Variants in PACRG observed in about 807,000 individuals in gnomAD.
PACRG encodes the protein parkin coregulated, also known as parkin coregulated gene protein.
Under a neutral mutation model 29.7 loss-of-function variants are expected in PACRG, and 29 were observed. The observed-to-expected ratio is 0.98, with a 90% CI of 0.73 to 1.33. PACRG has a LOEUF of 1.33. Among genes scored for constraint, PACRG ranks in the 40% most tolerant of loss-of-function variants. PACRG has a pLI of 0.00. For synonymous variants in PACRG, 116 were observed against 118.7 expected (o/e 0.98, Z 0.15); for missense variants, 279 against 316.2 (o/e 0.88, Z 0.89).
At chr6:163,215,186 A>G (rs1248908583) in intron 4 of PACRG, among the ~76,000 whole-genome samples, 1 of 152,128 alleles carries the variant, frequency 6.6e-6, no homozygotes, top group Non-Finnish European at 1.5e-5. Context: ...AATATTCAAG[A>G]TAATCATCTA....
rs533968702 is a variant in PACRG, at chr6:162,740,197, G to A, written c.156+11806G>A. Among the ~76,000 whole-genome samples the A allele has an allele frequency of 2.2e-4, 33 of 152,204 alleles. 1 individual carries two copies. The South Asian group carries it at 6.4e-3, about 30-fold the overall frequency. On this transcript the variant is annotated intron_variant, in intron 1 of 4. Transcript: ENST00000366888. The stretch of plus-strand genomic sequence containing the variant: ...ATTTGTTTATATCCTAGTTGACGTC[G>A]TTGCTTTCTTACTATCTATAGGAAT...
At chr6:163,181,866 C>G (rs955386042) in intron 4 of PACRG, among the ~76,000 whole-genome samples, 1 of 152,140 alleles carries the variant, frequency 6.6e-6, no homozygotes, top group African/African-American at 2.4e-5. Context: ...CGCGCTCTGT[C>G]AAGTTGCTGA....
intron 2 of PACRG, among the ~76,000 whole-genome samples, chr6:163,046,080 C>T (rs1210915536): frequency 3.3e-5 from 5 of 151,988 alleles, no homozygotes; most frequent in African/African-American, 7.2e-5. Context: ...TCCCTCCTGG[C>T]TCCCTGATAT....
At chr6:163,269,849 G>GAA (rs1336801032) in intron 4 of PACRG, among the ~76,000 whole-genome samples, 2 of 62,992 alleles carry the variant, frequency 3.2e-5, no homozygotes, top group Non-Finnish European at 6.4e-5. Context: ...AAGAAAGAAA[G>GAA]AAAGAAAGAG....
chr6:163,076,241 A>T (rs1467117327), intron 3 of PACRG, among the ~76,000 whole-genome samples: 2 of 152,148 alleles, frequency 1.3e-5, no homozygotes, highest in Non-Finnish European at 2.9e-5. Context: ...CAGTTTTTTC[A>T]TCTTGCAGCT....
intron 2 of PACRG, among the ~76,000 whole-genome samples, chr6:162,874,871 TCA>T (rs1297024261): frequency 2.6e-5 from 4 of 151,570 alleles, no homozygotes; most frequent in African/African-American, 7.3e-5. Flanking sequence ...ATTCTCACAC[TCA>T]CACACCCATT....
intron 2 of PACRG, among the ~76,000 whole-genome samples, chr6:162,838,713 C>T (rs900380456): frequency 4.0e-4 from 58 of 146,476 alleles, no homozygotes; most frequent in African/African-American, 1.4e-3. Flanking sequence ...TCTAGCATTA[C>T]GTATATCTCC....
intron 2 of PACRG, among the ~76,000 whole-genome samples, chr6:162,846,022 G>A (rs947443382): frequency 6.6e-6 from 1 of 152,164 alleles, no homozygotes; most frequent in Non-Finnish European, 1.5e-5. Flanking sequence ...GGGAGCCAGT[G>A]ACAGGGTGGG....
chr6:163,081,142 A>T (rs1813037255), intron 3 of PACRG, among the ~76,000 whole-genome samples: 1 of 152,226 alleles, frequency 6.6e-6, no homozygotes, highest in Admixed American at 6.5e-5. Flanking sequence ...ACCCTATAAA[A>T]TAGAAAATTA....
chr6:162,775,729 T>C (rs1783590426), intron 1 of PACRG, among the ~76,000 whole-genome samples: 1 of 152,220 alleles, frequency 6.6e-6, no homozygotes, highest in Non-Finnish European at 1.5e-5. Context: ...TGAAGCAGAT[T>C]CTGTATATCA....
intron 4 of PACRG, among the ~76,000 whole-genome samples, chr6:163,287,336 CA>C: frequency 6.6e-6 from 1 of 152,302 alleles, no homozygotes; most frequent in Non-Finnish European, 1.5e-5. Flanking sequence ...ACTGCTCTTA[CA>C]GAAGGGAAAG....
intron 4 of PACRG, among the ~76,000 whole-genome samples, chr6:163,136,142 AT>A (rs1320808979): frequency 2.6e-5 from 4 of 152,100 alleles, no homozygotes; most frequent in African/African-American, 9.7e-5. Flanking sequence ...GTGATTTCGG[AT>A]TTTTGTACCT....
intron 2 of PACRG, among the ~76,000 whole-genome samples, chr6:162,986,668 A>G (rs1468466516): frequency 2.0e-5 from 3 of 152,200 alleles, no homozygotes; most frequent in African/African-American, 7.2e-5. Context: ...CTTCATGACC[A>G]AGAACCTTGA....
At chr6:163,064,851 T>A (rs1348431965) in intron 3 of PACRG, among the ~76,000 whole-genome samples, 5 of 151,824 alleles carry the variant, frequency 3.3e-5, no homozygotes, top group African/African-American at 1.2e-4. Context: ...TTTTTTTTTT[T>A]AATTCTAACT....
At chr6:162,936,011 A>G (rs1484032312) in intron 2 of PACRG, among the ~76,000 whole-genome samples, 1 of 152,202 alleles carries the variant, frequency 6.6e-6, no homozygotes, top group Admixed American at 6.5e-5. Context: ...TACAAAAGAA[A>G]GAGGTTTAAT....
At chr6:163,306,685 G>C (rs1244696895) in intron 4 of PACRG, among the ~76,000 whole-genome samples, 1 of 152,120 alleles carries the variant, frequency 6.6e-6, no homozygotes, top group Non-Finnish European at 1.5e-5. Flanking sequence ...GGTCTTTTCA[G>C]GTTTTCTTAG....
chr6:163,167,799 C>T (rs1778883385), intron 4 of PACRG, among the ~76,000 whole-genome samples: 2 of 152,152 alleles, frequency 1.3e-5, no homozygotes, highest in African/African-American at 2.4e-5. Context: ...TTTTTGAAGT[C>T]CCACTTCCTT....
At chr6:162,999,419 G>A (rs1403564155) in intron 2 of PACRG, among the ~76,000 whole-genome samples, 4 of 152,164 alleles carry the variant, frequency 2.6e-5, no homozygotes, top group Non-Finnish European at 4.4e-5. Flanking sequence ...GTGAGTTTTA[G>A]GTACCTTAAT....
chr6:163,012,069 G>A (rs1805667410), intron 2 of PACRG, among the ~76,000 whole-genome samples: 1 of 152,158 alleles, frequency 6.6e-6, no homozygotes, highest in Admixed American at 6.5e-5. Context: ...TAGGAAAAAA[G>A]TTCCACCCTA....
Sources: gnomAD v4.1 joint callset for allele counts (sites outside exome capture counted in the v4.1 genomes callset) on GRCh38, gnomAD v4.1.1 for gene constraint, MANE v1.5 for transcripts, NCBI Gene and HGNC (gene_info 2026-07-23, HGNC 2026-07-21) for gene names.